ATR: variants seen among roughly 807,000 people sequenced by gnomAD.
The protein encoded by ATR is ATR checkpoint kinase.
Under a neutral mutation model 305.3 loss-of-function variants are expected in ATR, and 142 were observed. That is an observed-to-expected ratio of 0.47 (90% CI 0.41 to 0.53). The LOEUF (loss-of-function observed/expected upper bound fraction) is 0.53. Among genes scored for constraint, ATR ranks in the 20% least tolerant of loss-of-function variants. The pLI, the probability that ATR is intolerant of heterozygous loss-of-function variation, is 0.00. For synonymous variants in ATR, 1,050 were observed against 1,068.1 expected, an observed-to-expected ratio of 0.98 and a Z score of 0.33; for missense variants, 2,135 against 3,133.1, an observed-to-expected ratio of 0.68 and a Z score of 7.60.
chr3:142,563,243 G>A (rs555232197), intron 3 of ATR, 134 bp from the exon 4 acceptor site: 2 of 928,564 alleles, frequency 2.2e-6, no homozygotes, highest in Admixed American at 3.0e-5. Flanking sequence ...CTTCACAATG[G>A]AAACATAATA....
chr3:142,491,975 T>C (rs1332242766), intron 35 of ATR, among the ~76,000 whole-genome samples: 2 of 152,236 alleles, frequency 1.3e-5, no homozygotes, highest in African/African-American at 4.8e-5. Context: ...CAAATATTCC[T>C]GCTTCTTCAT....
chr3:142,475,855 T>A (rs1255164153), intron 36 of ATR, among the ~76,000 whole-genome samples: 2 of 152,252 alleles, frequency 1.3e-5, no homozygotes, highest in African/African-American at 4.8e-5. Flanking sequence ...CCAGTGATGA[T>A]GAGCATTTTT....
chr3:142,560,575 T>G (rs902810579), intron 5 of ATR, 121 bp from the exon 6 acceptor site: 161 of 868,658 alleles, frequency 1.9e-4, no homozygotes, highest in Non-Finnish European at 2.5e-4. Flanking sequence ...TTTTTTTTTT[T>G]TGTGAGACAG....
chr3:142,462,903 T>C (rs1158699183), intron 41 of ATR, among the ~76,000 whole-genome samples: 1 of 152,218 alleles, frequency 6.6e-6, no homozygotes. Context: ...CCTTACATAT[T>C]TCATCTGATT....
chr3:142,535,353 G>T, intron 20 of ATR, 148 bp from the exon 21 acceptor site: 1 of 819,620 alleles, frequency 1.2e-6, no homozygotes, highest in Non-Finnish European at 1.8e-6. Flanking sequence ...CCTTTGTACA[G>T]CACAAATCAT....
In ATR at chr3:142,558,780, C is replaced by G. The variant is rs775399675; in HGVS notation, c.1733-4G>C. ...TGATCTTCAAATGAACTGTTTACTA[C>G]AGAAGCACAAAATAAGTCATTAATT... is the stretch of plus-strand genomic sequence containing the variant. On this transcript the variant is annotated splice_polypyrimidine_tract_variant and splice_region_variant and intron_variant, in intron 7 of 46. Transcript: ENST00000350721. The G allele has an allele frequency of 6.2e-7, 1 of 1,603,566 alleles. No individual in the cohort carries two copies.
chr3:142,575,211 T>A (rs2035396694), intron 1 of ATR, among the ~76,000 whole-genome samples: 1 of 152,102 alleles, frequency 6.6e-6, no homozygotes, highest in African/African-American at 2.4e-5. Flanking sequence ...CTTCTTACTA[T>A]CCTTTTAAAA....
chr3:142,473,832 C>T (rs2071362191), intron 36 of ATR, among the ~76,000 whole-genome samples: 1 of 152,004 alleles, frequency 6.6e-6, no homozygotes, highest in African/African-American at 2.4e-5. Flanking sequence ...AGCCACCACG[C>T]CCGGCCAGCT....
chr3:142,496,881 T>C (rs1025423353), intron 33 of ATR, 132 bp downstream of exon 33: 44 of 1,052,742 alleles, frequency 4.2e-5, no homozygotes, highest in Non-Finnish European at 6.0e-5. Flanking sequence ...AACCAGATAG[T>C]GTAGCCCTGA....
intron 21 of ATR, among the ~76,000 whole-genome samples, chr3:142,527,444 C>A (rs922900968): frequency 2.6e-5 from 4 of 152,058 alleles, no homozygotes; most frequent in African/African-American, 7.2e-5. Flanking sequence ...CATTTTGATA[C>A]ACTATATATT....
chr3:142,523,090 C>A (rs927413586), intron 22 of ATR, among the ~76,000 whole-genome samples: 34 of 152,236 alleles, frequency 2.2e-4, no homozygotes, highest in Admixed American at 2.0e-3. Context: ...TTTTGCATAT[C>A]TCTGACAATT....
chr3:142,452,989 T>A, intron 46 of ATR, 139 bp downstream of exon 46: 1 of 1,521,750 alleles, frequency 6.6e-7, no homozygotes, highest in Non-Finnish European at 8.8e-7. Context: ...ACTAGAGAAC[T>A]AGATTTCAGA....
intron 20 of ATR, among the ~76,000 whole-genome samples, 191 bp from the exon 21 acceptor site, chr3:142,535,396 G>A (rs1230183473): frequency 6.6e-6 from 1 of 152,124 alleles, no homozygotes; most frequent in African/African-American, 2.4e-5. Flanking sequence ...GGATTTCATT[G>A]TAAAACTGTT....
intron 19 of ATR, among the ~76,000 whole-genome samples, chr3:142,536,776 AT>A (rs1164546164): frequency 3.3e-5 from 5 of 152,322 alleles, no homozygotes; most frequent in South Asian, 2.1e-4. Flanking sequence ...AGATTGCAAA[AT>A]TATGAGCAAA....
intron 1 of ATR, among the ~76,000 whole-genome samples, chr3:142,575,955 G>A (rs909836231): frequency 2.8e-4 from 43 of 152,232 alleles, no homozygotes; most frequent in African/African-American, 1.0e-3. Context: ...AATGTCAAAG[G>A]ACGGTTTTGT....
chr3:142,515,755 A>G (rs941513088), intron 24 of ATR, among the ~76,000 whole-genome samples: 1 of 152,142 alleles, frequency 6.6e-6, no homozygotes, highest in African/African-American at 2.4e-5. Flanking sequence ...CTCTTCTTAT[A>G]TAAGAAAAAC....
intron 36 of ATR, among the ~76,000 whole-genome samples, chr3:142,482,916 C>CA (rs2108305643): frequency 6.7e-6 from 1 of 148,656 alleles, no homozygotes; most frequent in African/African-American, 2.5e-5. Context: ...ACAAATATTG[C>CA]TTTTTTTTTC....
At chr3:142,577,248 C>G (rs1189342332) in intron 1 of ATR, among the ~76,000 whole-genome samples, 1 of 152,046 alleles carries the variant, frequency 6.6e-6, no homozygotes, top group Admixed American at 6.5e-5. Flanking sequence ...CTGATGAAAC[C>G]GACTATATAT....
At chr3:142,452,354 A>G (rs2070811020) in intron 46 of ATR, 1 of 986,838 alleles carries the variant, frequency 1.0e-6, no homozygotes, top group Admixed American at 6.1e-5. Flanking sequence ...AAAAAAACGA[A>G]TCCTCAATCT....
Sources: gnomAD v4.1 joint callset for allele counts (sites outside exome capture counted in the v4.1 genomes callset) on GRCh38, gnomAD v4.1.1 for gene constraint, MANE v1.5 for transcripts, NCBI Gene and HGNC (gene_info 2026-07-23, HGNC 2026-07-21) for gene names.